FMN1: variants seen among roughly 807,000 people sequenced by gnomAD.
FMN1 encodes formin-1.
FMN1 carries 110 observed loss-of-function variants against 132.4 expected under a neutral mutation model. The ratio of observed to expected loss-of-function variants is 0.83; its 90% CI spans 0.71 to 0.97. The LOEUF is 0.97. Among genes scored for constraint, FMN1 ranks in the 50% least tolerant of loss-of-function variants. FMN1 has a pLI of 0.00. For missense variants in FMN1, 1,792 were observed against 1,705.3 expected (o/e 1.05, Z -0.90); for synonymous variants, 722 against 651.7 (o/e 1.11, Z -1.64).
intron 7 of FMN1, among the ~76,000 whole-genome samples, chr15:32,995,418 CAGTGTA>C (rs2033706282): frequency 6.6e-6 from 1 of 152,162 alleles, no homozygotes; most frequent in East Asian, 1.9e-4. Context: ...ATTAGGTCCT[CAGTGTA>C]AGCTGAGTGT....
chr15:32,782,141 C>G (rs1054358311), intron 19 of FMN1, among the ~76,000 whole-genome samples: 1 of 152,170 alleles, frequency 6.6e-6, no homozygotes, highest in Non-Finnish European at 1.5e-5. Context: ...GGCATTTCAT[C>G]TTAGAACTGA....
At chr15:32,862,025 GCTGCC>G (rs931542091) in intron 16 of FMN1, among the ~76,000 whole-genome samples, 8 of 152,142 alleles carry the variant, frequency 5.3e-5, no homozygotes, top group African/African-American at 1.9e-4. Flanking sequence ...AAAGGAGAGG[GCTGCC>G]CTCCGACGGT....
At chr15:32,783,282 AC>A (rs1029063160) in intron 19 of FMN1, among the ~76,000 whole-genome samples, 37 of 152,320 alleles carry the variant, frequency 2.4e-4, no homozygotes, top group African/African-American at 8.9e-4. Flanking sequence ...ATTTTTGAAA[AC>A]TTTATCTTTT....
At chr15:32,921,072 A>G (rs11635135) in intron 10 of FMN1, among the ~76,000 whole-genome samples, 9,580 of 152,276 alleles carry the variant, frequency 0.063, 327 homozygotes, top group Non-Finnish European at 0.078. Flanking sequence ...TGGTAGATGT[A>G]AATAAAAACA....
At chr15:33,120,559 CTATT>C (rs1022083566) in intron 4 of FMN1, among the ~76,000 whole-genome samples, 3 of 152,136 alleles carry the variant, frequency 2.0e-5, no homozygotes. Context: ...CCAGAGATTA[CTATT>C]TTTTTATGTG....
At chr15:33,012,139 C>G (rs926406373) in intron 6 of FMN1, 3 of 487,662 alleles carry the variant, frequency 6.2e-6, no homozygotes, top group Non-Finnish European at 7.5e-6. Flanking sequence ...ATCAGAGTCC[C>G]TCAAAGGGCC....
intron 10 of FMN1, among the ~76,000 whole-genome samples, chr15:32,918,257 A>G (rs1050103641): frequency 5.3e-5 from 8 of 152,192 alleles, no homozygotes; most frequent in Non-Finnish European, 1.2e-4. Context: ...AAGGAAAACT[A>G]AGGCACACAG....
At chr15:32,954,376 A>T (rs2061717731) in intron 9 of FMN1, among the ~76,000 whole-genome samples, 1 of 152,182 alleles carries the variant, frequency 6.6e-6, no homozygotes, top group African/African-American at 2.4e-5. Flanking sequence ...AATGTGTAAT[A>T]CCCTCATCTA....
chr15:32,913,398 C>T (rs775513888), intron 10 of FMN1, among the ~76,000 whole-genome samples: 3 of 152,148 alleles, frequency 2.0e-5, no homozygotes, highest in Non-Finnish European at 2.9e-5. Flanking sequence ...TTTAAACACT[C>T]GGCGAAGTCT....
intron 7 of FMN1, among the ~76,000 whole-genome samples, chr15:32,992,058 T>C (rs1355072525): frequency 6.6e-6 from 1 of 152,202 alleles, no homozygotes; most frequent in African/African-American, 2.4e-5. Context: ...TTCAGAGTCA[T>C]AAAACAACAT....
intron 17 of FMN1, among the ~76,000 whole-genome samples, chr15:32,813,191 C>T (rs2057945170): frequency 6.6e-6 from 1 of 152,192 alleles, no homozygotes; most frequent in Non-Finnish European, 1.5e-5. Context: ...ACTTGAGCAT[C>T]TGTAGAGTTT....
rs2056343756 is a variant in FMN1 at position 32,774,310 on chromosome 15, T to C, written c.4260A>G (p.Ter1420=). The change falls in exon 21 of 21, where the codon TAA becomes TAG. Residue 1420 remains the stop codon, a stop_retained_variant. Transcript: ENST00000616417. ...GCCATCATTTCCATGTGTCTTCATC[T>C]TAGTTAGTGGTCACACTGGCTTCCT... is the stretch of plus-strand genomic sequence containing the variant. The part of the protein sequence containing the change: ...RQKEASVTTN[*] 1 of 1,603,264 alleles carries C rather than the reference T, an allele frequency of 6.2e-7. No homozygotes were observed. Among genetic ancestry groups the C allele is most frequent in the African/African-American group, 1.3e-5 (1 of 74,818 alleles).
chr15:32,912,031 CA>C (rs1345880823), intron 10 of FMN1, among the ~76,000 whole-genome samples: 1 of 152,126 alleles, frequency 6.6e-6, no homozygotes. Context: ...TATTCTCTCA[CA>C]AAAATCAACC....
chr15:32,983,333 C>A (rs1334138773), intron 7 of FMN1, among the ~76,000 whole-genome samples: 1 of 152,148 alleles, frequency 6.6e-6, no homozygotes, highest in East Asian at 1.9e-4. Flanking sequence ...TAGAAAACAT[C>A]AATGGATGCC....
chr15:33,155,291 T>A (rs1438096775), intron 3 of FMN1, among the ~76,000 whole-genome samples: 1 of 152,188 alleles, frequency 6.6e-6, no homozygotes, highest in East Asian at 1.9e-4. Context: ...AAAAGTTCCC[T>A]TTCCCTACAT....
chr15:33,109,602 T>C (rs1014017434), intron 4 of FMN1, among the ~76,000 whole-genome samples: 6 of 151,982 alleles, frequency 3.9e-5, no homozygotes, highest in African/African-American at 9.7e-5. Flanking sequence ...GAAAATCAAA[T>C]ACTGCGTGTT....
At chr15:33,158,444 GA>G (rs369928639) in intron 3 of FMN1, among the ~76,000 whole-genome samples, 45 of 147,704 alleles carry the variant, frequency 3.0e-4, no homozygotes, top group African/African-American at 6.9e-4. Flanking sequence ...TAAAAAAAAA[GA>G]AAAAAAAAAA....
At chr15:33,028,086 G>A (rs1420134190) in intron 6 of FMN1, among the ~76,000 whole-genome samples, 1 of 152,170 alleles carries the variant, frequency 6.6e-6, no homozygotes, top group East Asian at 1.9e-4. Flanking sequence ...TTTAAACATT[G>A]ACTACATATT....
At chr15:32,967,651 A>G (rs10519768) in intron 8 of FMN1, among the ~76,000 whole-genome samples, 7,543 of 152,332 alleles carry the variant, frequency 0.05, 224 homozygotes, top group Middle Eastern at 0.088. Flanking sequence ...AGGATGTTCC[A>G]AAAACAAACT....
Sources: allele counts gnomAD v4.1 joint callset (sites outside exome capture counted in the v4.1 genomes callset), GRCh38; gene constraint gnomAD v4.1.1; transcripts MANE v1.5; gene names NCBI Gene and HGNC (gene_info 2026-07-23, HGNC 2026-07-21).